The following SCRN1 variants were observed in gnomAD, a reference collection of about 807,000 sequenced individuals.
SCRN1 encodes secernin-1.
Under a neutral mutation model 43.3 loss-of-function variants are expected in SCRN1, and 19 were observed. That is an observed-to-expected ratio of 0.44 (90% CI 0.31 to 0.64). SCRN1 has a LOEUF of 0.64. Among genes scored for constraint, SCRN1 ranks in the 30% least tolerant of loss-of-function variants. SCRN1 has a pLI of 0.09. For synonymous variants in SCRN1, 183 were observed against 188.9 expected, an observed-to-expected ratio of 0.97 and a Z score of 0.26; for missense variants, 447 against 524.1, an observed-to-expected ratio of 0.85 and a Z score of 1.44.
At chr7:29,981,470 T>A (rs973951692) in intron 1 of SCRN1, among the ~76,000 whole-genome samples, 2 of 152,190 alleles carry the variant, frequency 1.3e-5, no homozygotes, top group African/African-American at 4.8e-5. Context: ...TATGAGAGCT[T>A]TCAAACATGC....
intron 6 of SCRN1, among the ~76,000 whole-genome samples, chr7:29,936,033 C>A (rs1017142731): frequency 1.9e-4 from 29 of 152,178 alleles, no homozygotes; most frequent in African/African-American, 6.5e-4. Context: ...AGCACATGGG[C>A]AGAAAGCAAC....
chr7:29,980,020 T>C (rs895828471), intron 1 of SCRN1, among the ~76,000 whole-genome samples: 12 of 152,238 alleles, frequency 7.9e-5, no homozygotes, highest in African/African-American at 2.9e-4. Context: ...GGTTATATTA[T>C]GGCTTTTTAA....
chr7:29,944,896 C>T (rs1159312734), intron 3 of SCRN1, among the ~76,000 whole-genome samples: 2 of 152,020 alleles, frequency 1.3e-5, no homozygotes, highest in Non-Finnish European at 2.9e-5. Flanking sequence ...CTGACTCTAA[C>T]CTGGGCAAAA....
At chr7:29,977,682 A>T (rs970086791) in intron 1 of SCRN1, among the ~76,000 whole-genome samples, 2 of 152,260 alleles carry the variant, frequency 1.3e-5, no homozygotes, top group Non-Finnish European at 2.9e-5. Context: ...TGAATGAGGA[A>T]CCAAGTAATG....
At chr7:29,990,230 T>TC (rs1367325154), upstream of SCRN1, 11 of 1,551,626 alleles carry the variant, frequency 7.1e-6, no homozygotes, top group Non-Finnish European at 9.6e-6. Context: ...AAAAGTGCCG[T>TC]CCTGTACCAT....
At chr7:29,944,818 C>A (rs1787679953) in intron 3 of SCRN1, among the ~76,000 whole-genome samples, 1 of 152,114 alleles carries the variant, frequency 6.6e-6, no homozygotes, top group South Asian at 2.1e-4. Flanking sequence ...CTGACTGTGT[C>A]TCCCACAGAG....
intron 5 of SCRN1, 77 bp from the exon 6 acceptor site, chr7:29,936,798 G>T: frequency 8.0e-7 from 1 of 1,254,058 alleles, no homozygotes; most frequent in Non-Finnish European, 1.1e-6. Flanking sequence ...TGTAATCCCA[G>T]CACTTTGGGA....
Position 29,986,518 on chromosome 7 carries a change from G to A in SCRN1, c.-2+3124C>T, listed in dbSNP as rs545195525. On this transcript the variant is annotated intron_variant, in intron 1 of 7. Coordinates refer to ENST00000242059, the MANE Select transcript of SCRN1 (RefSeq NM_014766.5). ...GCTCAATAGCCACATGAGGCTGGTG[G>A]CTACCAGATGAAACAGCACAGATCT... Among the ~76,000 whole-genome samples the A allele has an allele frequency of 2.4e-3, 364 of 151,970 alleles. 1 individual carries two copies. Among genetic ancestry groups the A allele is most frequent in the South Asian group, 0.014 (66 of 4,812 alleles).
In SCRN1 at chr7:29,950,527, C is replaced by T. The variant is rs888618005; in HGVS notation, c.341+4652G>A. On this transcript the variant is annotated intron_variant, in intron 3 of 7. Transcript: ENST00000242059. The surrounding 1 kb of genome is among the most constrained non-coding windows in gnomAD (Gnocchi z 4.5). Reference sequence around the variant, plus strand: ...TTCAAGCCAGGAATGGCCGGAAGCCCGGAGGCTGGTCTGCTAGTTCCGGGT... The same window carrying T: ...TTCAAGCCAGGAATGGCCGGAAGCCTGGAGGCTGGTCTGCTAGTTCCGGGT... Among the ~76,000 whole-genome samples, 3 of 152,224 alleles carry T rather than the reference C, an allele frequency of 2.0e-5. No individual in the cohort carries two copies. The highest frequency in any genetic ancestry group is 4.8e-5 in the African/African-American group (2 of 41,452).
At chr7:29,932,397 T>C (rs934412304) in intron 6 of SCRN1, among the ~76,000 whole-genome samples, 7 of 152,050 alleles carry the variant, frequency 4.6e-5, no homozygotes, top group African/African-American at 1.7e-4. Flanking sequence ...ATTAGTATAC[T>C]GGCCCAGCAC....
upstream of SCRN1, chr7:29,989,909 C>T (rs866597212): frequency 1.2e-4 from 134 of 1,111,362 alleles, no homozygotes; most frequent in Non-Finnish European, 1.3e-4. Flanking sequence ...CCGCACCCCG[C>T]GCGTCTGGCT....
chr7:29,930,052 T>C (rs1787107472), intron 6 of SCRN1, among the ~76,000 whole-genome samples: 1 of 152,150 alleles, frequency 6.6e-6, no homozygotes, highest in Admixed American at 6.5e-5. Context: ...CCCAAAATAT[T>C]CTAAAGCAGC....
chr7:29,926,386 C>T lies in SCRN1; in HGVS notation c.1086+66G>A. On this transcript the variant is annotated intron_variant, in intron 7 of 7. Coordinates refer to ENST00000242059, the MANE Select transcript of SCRN1 (RefSeq NM_014766.5). ...TCTAGCTTGACATCTGCTTCCCTGC[C>T]TCCTTCCTCGCTGACCTCGCCCGCC... The T allele has an allele frequency of 2.6e-6, 4 of 1,546,380 alleles. No individual in the cohort carries two copies. The African/African-American group carries it at 5.4e-5, about 21-fold the overall frequency.
At chr7:29,957,123 A>C (rs1388139408) in intron 2 of SCRN1, among the ~76,000 whole-genome samples, 1 of 152,230 alleles carries the variant, frequency 6.6e-6, no homozygotes, top group East Asian at 1.9e-4. Flanking sequence ...AAAAAGTAAA[A>C]ATTAGGAAAT....
In SCRN1 at chr7:29,986,728, T is replaced by A. The variant is rs1021063331; in HGVS notation, c.-2+2914A>T. 2.6e-3 allele frequency among the ~76,000 whole-genome samples: 366 copies of A among 140,072 alleles called. 1 individual carries two copies. The highest frequency in any genetic ancestry group is 9.7e-3 in the African/African-American group (356 of 36,780). The allele number at this position is 140,072 out of a possible 152,430, so 91.9% of individuals were successfully genotyped here. ...TTCTAATTTTTTTAATTTTTTTTTT[T>A]TTTTTTTTTTTTTTGAGACGGAGTC... is the stretch of plus-strand genomic sequence containing the variant. On this transcript the variant is annotated intron_variant, in intron 1 of 7. Transcript: ENST00000242059.
chr7:29,955,376 A>T lies in SCRN1; in HGVS notation c.160-16T>A. 6.2e-7 allele frequency: 1 copy of T among 1,611,304 alleles called. No individual in the cohort carries two copies. The highest frequency in any genetic ancestry group is 8.5e-7 in the Non-Finnish European group (1 of 1,178,582). On this transcript the variant is annotated splice_polypyrimidine_tract_variant and intron_variant, in intron 2 of 7. Coordinates refer to ENST00000242059, the MANE Select transcript of SCRN1 (RefSeq NM_014766.5). The stretch of plus-strand genomic sequence containing the variant: ...TGTAAGTGCACTGAAAAACAAACAC[A>T]GGAAAGAAAGCGCCATCACCTGTCA...
At chr7:29,939,879 G>A (rs562364790) in intron 5 of SCRN1, among the ~76,000 whole-genome samples, 17 of 152,196 alleles carry the variant, frequency 1.1e-4, no homozygotes, top group African/African-American at 4.1e-4. Flanking sequence ...GCTGGGTGCG[G>A]TGGCTTAGGC....
chr7:29,964,288 G>A (rs982854851), intron 2 of SCRN1, among the ~76,000 whole-genome samples: 1 of 152,132 alleles, frequency 6.6e-6, no homozygotes, highest in African/African-American at 2.4e-5. Flanking sequence ...TGGGTGAATG[G>A]ATAAATAACC....
At chr7:29,948,956 G>A (rs1787823380) in intron 3 of SCRN1, among the ~76,000 whole-genome samples, 1 of 152,134 alleles carries the variant, frequency 6.6e-6, no homozygotes, top group South Asian at 2.1e-4. Context: ...GGTTCCAAAC[G>A]CTTCATAGTT....
Sources: allele counts gnomAD v4.1 joint callset (sites outside exome capture counted in the v4.1 genomes callset), GRCh38; gene constraint gnomAD v4.1.1; non-coding constraint Gnocchi (gnomAD v3.1); transcripts MANE v1.5; gene names NCBI Gene and HGNC (gene_info 2026-07-23, HGNC 2026-07-21).